AURKA: variants seen among roughly 807,000 people sequenced by gnomAD.
The protein encoded by AURKA is aurora 2.
A neutral mutation model predicts 40.9 loss-of-function variants in AURKA; 12 were observed. The observed-to-expected ratio is 0.29, with a 90% CI of 0.19 to 0.48. AURKA has a LOEUF of 0.48. Ranked by LOEUF, AURKA falls within the 20% of genes least tolerant of loss-of-function variation. AURKA has a pLI of 0.99. For synonymous variants in AURKA, 170 were observed against 164.3 expected, an observed-to-expected ratio of 1.03 and a Z score of -0.26; for missense variants, 322 against 462.1, an observed-to-expected ratio of 0.70 and a Z score of 2.78.
At chr20:56,388,247 C>T (rs6099126) in intron 1 of AURKA, 45 bp from the exon 2 acceptor site, 70,966 of 1,119,980 alleles carry the variant, frequency 0.063, 7,166 homozygotes, top group African/African-American at 0.5. Flanking sequence ...AAGCCACCTG[C>T]TTAAAGTGCT....
intron 1 of AURKA, among the ~76,000 whole-genome samples, chr20:56,390,329 T>A (rs1178864152): frequency 1.3e-5 from 2 of 149,500 alleles, no homozygotes; most frequent in Non-Finnish European, 3.0e-5. Flanking sequence ...TTTTTTGAGA[T>A]AGAGTTTGCT....
rs1285105507 is a variant in AURKA at position 56,381,464 on chromosome 20, A to C, written c.674T>G (p.Leu225Arg). 6.2e-7 allele frequency: 1 copy of C among 1,613,608 alleles called. No homozygotes were observed. The highest frequency in any genetic ancestry group is 8.5e-7 in the Non-Finnish European group (1 of 1,179,960). The change falls in exon 6 of 9, where the codon CTT becomes CGT. Residue 225 changes from leucine to arginine, a missense_variant. Leu to Arg is a moderately radical substitution (Grantham distance 102). Coordinates refer to ENST00000395915, the MANE Select transcript of AURKA (RefSeq NM_198437.3). ...AGTTCTCTGCTCATCAAACTTTGAA[A>C]GTTTCTGAAGTTCTCTATAAACTGT... ...LGTVYRELQKLSKFDEQRTAT... is the reference protein window; with the variant it reads ...LGTVYRELQKRSKFDEQRTAT...
At chr20:56,377,279 A>G (rs1985053695) in intron 6 of AURKA, among the ~76,000 whole-genome samples, 1 of 152,212 alleles carries the variant, frequency 6.6e-6, no homozygotes, top group African/African-American at 2.4e-5. Context: ...CCTTTCTCAA[A>G]AAAATAAATA....
At chr20:56,391,979 G>C (rs1364459510) in intron 1 of AURKA, 189 bp downstream of exon 1, 2 of 149,240 alleles carry the variant, frequency 1.3e-5, no homozygotes, top group African/African-American at 2.5e-5. Flanking sequence ...TATCCTACAG[G>C]GCGCCTCGGT....
chr20:56,371,329 GTGT>G (rs1429618852), intron 7 of AURKA, among the ~76,000 whole-genome samples: 3 of 151,934 alleles, frequency 2.0e-5, no homozygotes, highest in Non-Finnish European at 4.4e-5. Flanking sequence ...GGGTGTGGTG[GTGT>G]GCGCCTGTAG....
chr20:56,381,828 T>C (rs1471165738), intron 5 of AURKA, among the ~76,000 whole-genome samples: 2 of 152,054 alleles, frequency 1.3e-5, no homozygotes, highest in Non-Finnish European at 2.9e-5. Flanking sequence ...GCACCTTTAT[T>C]CTTAGGAGGA....
At chr20:56,391,178 T>C (rs1421516948) in intron 1 of AURKA, among the ~76,000 whole-genome samples, 1 of 152,230 alleles carries the variant, frequency 6.6e-6, no homozygotes, top group East Asian at 1.9e-4. Flanking sequence ...GCAGGAGGTT[T>C]ATACGGTTTA....
intron 1 of AURKA, among the ~76,000 whole-genome samples, chr20:56,391,098 T>G (rs150883375): frequency 4.6e-5 from 7 of 152,310 alleles, no homozygotes; most frequent in African/African-American, 1.7e-4. Flanking sequence ...CCAGATGACT[T>G]TCACAGGATC....
At chr20:56,370,919 A>G (rs990612799) in intron 7 of AURKA, among the ~76,000 whole-genome samples, 1 of 152,224 alleles carries the variant, frequency 6.6e-6, no homozygotes, top group Admixed American at 6.5e-5. Flanking sequence ...TAAGAAACTG[A>G]ATGTATCACT....
chr20:56,381,680 C>G, intron 5 of AURKA, 109 bp from the exon 6 acceptor site: 3 of 1,373,556 alleles, frequency 2.2e-6, no homozygotes, highest in Non-Finnish European at 3.1e-6. Flanking sequence ...TCACATGAAA[C>G]CACACTCCAA....
intron 6 of AURKA, among the ~76,000 whole-genome samples, chr20:56,374,789 T>C (rs1223320259): frequency 1.3e-5 from 2 of 152,182 alleles, no homozygotes; most frequent in Non-Finnish European, 2.9e-5. Flanking sequence ...GGTTCATACC[T>C]GTAATCCCAG....
intron 7 of AURKA, among the ~76,000 whole-genome samples, chr20:56,372,886 G>A (rs1168490311): frequency 6.6e-6 from 1 of 152,252 alleles, no homozygotes; most frequent in Non-Finnish European, 1.5e-5. Context: ...CAGGGGATAA[G>A]AAAGGACTAT....
In AURKA at chr20:56,382,178, A is replaced by G. The variant is rs565638499; in HGVS notation, c.567-607T>C. On this transcript the variant is annotated intron_variant, in intron 5 of 8. Coordinates refer to ENST00000395915, the MANE Select transcript of AURKA (RefSeq NM_198437.3). ...GACTCCATCTCAAAAAAAAAAAGGA[A>G]AAAAAAAAAGGACATGGCATTGCCA... Among the ~76,000 whole-genome samples the G allele has an allele frequency of 3.3e-5, 5 of 150,492 alleles. No individual in the cohort carries two copies. In the East Asian group the frequency reaches 9.7e-4, roughly 29 times the overall value.
At chr20:56,375,060 A>G (rs1984748253) in intron 6 of AURKA, among the ~76,000 whole-genome samples, 2 of 152,206 alleles carry the variant, frequency 1.3e-5, no homozygotes. Context: ...AAAAAAAGCA[A>G]GAAAAAGAAA....
chr20:56,371,322 T>C (rs548007412), intron 7 of AURKA, among the ~76,000 whole-genome samples: 69 of 150,460 alleles, frequency 4.6e-4, no homozygotes, highest in South Asian at 1.3e-3. Context: ...ATTAGCCGGG[T>C]GTGGTGGTGT....
chr20:56,388,322 A>T lies in AURKA; in HGVS notation c.-5-120T>A, dbSNP rs539436447. 271 of 914,668 alleles carry T rather than the reference A, an allele frequency of 3.0e-4. 1 individual carries two copies. Among genetic ancestry groups the T allele is most frequent in the Non-Finnish European group, 4.5e-4 (251 of 558,066 alleles). 56.7% of individuals were successfully genotyped at this position (914,668 alleles called of 1,614,324 possible). ...GCCTCCACAACACACCGGATTTTAC[A>T]TGTTTTGTCCAAATGAAGCTAATGA... On this transcript the variant is annotated intron_variant, in intron 1 of 8. Transcript: ENST00000395915.
chr20:56,382,217 C>A (rs1367845278), intron 5 of AURKA, among the ~76,000 whole-genome samples: 1 of 151,832 alleles, frequency 6.6e-6, no homozygotes, highest in Non-Finnish European at 1.5e-5. Context: ...TAGTTTGACA[C>A]CCAGACACTG....
At chr20:56,389,823 C>T (rs1174010382) in intron 1 of AURKA, among the ~76,000 whole-genome samples, 1 of 152,216 alleles carries the variant, frequency 6.6e-6, no homozygotes, top group African/African-American at 2.4e-5. Context: ...TTCTCTCTCG[C>T]AAACCCTTCA....
intron 7 of AURKA, among the ~76,000 whole-genome samples, 164 bp from the exon 8 acceptor site, chr20:56,370,823 G>A (rs1237491974): frequency 2.0e-5 from 3 of 152,154 alleles, no homozygotes; most frequent in African/African-American, 7.2e-5. Context: ...AACAGATGAA[G>A]CGAGGTGTGT....
Sources: gnomAD v4.1 joint callset for allele counts (sites outside exome capture counted in the v4.1 genomes callset) on GRCh38, gnomAD v4.1.1 for gene constraint, MANE v1.5 for transcripts, NCBI Gene and HGNC (gene_info 2026-07-23, HGNC 2026-07-21) for gene names.